INSRR: variants seen among roughly 807,000 people sequenced by gnomAD.
The protein encoded by INSRR is insulin receptor related receptor.
INSRR carries 114 observed loss-of-function variants against 130.0 expected under a neutral mutation model. That is an observed-to-expected ratio of 0.88 (90% CI 0.75 to 1.02). INSRR has a LOEUF of 1.02. Among genes scored for constraint, INSRR ranks in the 50% least tolerant of loss-of-function variants. The probability of loss-of-function intolerance (pLI) is 0.00; values close to 1 mark genes in which losing one functional copy is unlikely to be tolerated. For synonymous variants in INSRR, 674 were observed against 705.2 expected, an observed-to-expected ratio of 0.96 and a Z score of 0.70; for missense variants, 1,657 against 1,735.2, an observed-to-expected ratio of 0.95 and a Z score of 0.80.
At chr1:156,855,323 C>G (rs140159921) in intron 1 of INSRR, among the ~76,000 whole-genome samples, 146 of 152,260 alleles carry the variant, frequency 9.6e-4, no homozygotes, top group African/African-American at 2.6e-3. Flanking sequence ...CCTGCCTCAG[C>G]CTCCCGAGTA....
At chr1:156,851,575 A>G in intron 4 of INSRR, 71 bp downstream of exon 4, 1 of 1,611,526 alleles carries the variant, frequency 6.2e-7, no homozygotes, top group South Asian at 1.1e-5. Flanking sequence ...GAGTTGGGTC[A>G]TTGTAAGGGT....
At position 156,849,504 on chromosome 1, in the gene INSRR, AG is replaced by A. The variant is rs1655130364; in HGVS notation, c.1230-45del. On this transcript the variant is annotated intron_variant, in intron 5 of 21. Transcript: ENST00000368195. ...CCTTGCTCTGCGGGGAGGTGGGGGC[AG>A]GGGGTGGGAAAGGGGATGGCTTATG... is the stretch of plus-strand genomic sequence containing the variant. 3 of 243,716 alleles carry A rather than the reference AG, an allele frequency of 1.2e-5. No individual in the cohort carries two copies. The East Asian group carries it at 2.6e-4, about 21-fold the overall frequency. The allele number at this position is 243,716 out of a possible 1,614,324, so 15.1% of individuals were successfully genotyped here. A position where few individuals can be genotyped will look rare whatever the true frequency, so the allele number is the denominator to read the frequency against.
chr1:156,851,213 A>G, intron 5 of INSRR, 77 bp downstream of exon 5: 1 of 1,578,416 alleles, frequency 6.3e-7, no homozygotes, highest in Non-Finnish European at 8.7e-7. Context: ...TCCAGAGCCC[A>G]TTCTCTTCAC....
At chr1:156,847,621 T>C (rs913903061) in intron 7 of INSRR, among the ~76,000 whole-genome samples, 8 of 151,444 alleles carry the variant, frequency 5.3e-5, no homozygotes, top group South Asian at 4.2e-4. Context: ...CAGCGGGAAG[T>C]GCCTGCCTTT....
Position 156,859,030 on chromosome 1 carries a change from G to A in INSRR, c.-409C>T. 5.3e-6 allele frequency: 1 copy of A among 189,372 alleles called. No homozygotes were observed. Among genetic ancestry groups the A allele is most frequent in the Non-Finnish European group, 1.1e-5 (1 of 89,722 alleles). The allele number at this position is 189,372 out of a possible 1,614,324, so 11.7% of individuals were successfully genotyped here. On this transcript the variant is annotated 5_prime_UTR_variant, in exon 1 of 22. The change creates a new upstream start codon in the 5' untranslated region. Coordinates refer to ENST00000368195, the MANE Select transcript of INSRR (RefSeq NM_014215.3). This position sits in a 1 kb window ranked among gnomAD's most constrained non-coding sequence, Gnocchi z 6.2. ...GAGGGCAGCGGGGGTCCCGGGGCGC[G>A]TGGGACTCCGCAGGGAGAGTCTCCC...
In INSRR at chr1:156,844,759, T is replaced by TC; in HGVS notation, c.2521dup (p.Asp841GlyfsTer51). 6.2e-7 allele frequency: 1 copy of TC among 1,613,852 alleles called. No homozygotes were observed. Among genetic ancestry groups the TC allele is most frequent in the Non-Finnish European group, 8.5e-7 (1 of 1,179,958 alleles). On this transcript the variant is annotated frameshift_variant, in exon 13 of 22. Coordinates refer to ENST00000368195, the MANE Select transcript of INSRR (RefSeq NM_014215.3). LOFTEE classifies it high-confidence loss of function. ...GTACTTGAGGATGAGTCCGTTGGGGTCTGGTGGCTCGAGCCAGCGCAGAAG... is the reference window on the plus strand; with the variant it reads ...GTACTTGAGGATGAGTCCGTTGGGGTCCTGGTGGCTCGAGCCAGCGCAGAAG...
At chr1:156,843,635 C>T (rs1654882314) in intron 15 of INSRR, among the ~76,000 whole-genome samples, 156 bp from the exon 16 acceptor site, 1 of 152,250 alleles carries the variant, frequency 6.6e-6, no homozygotes, top group Non-Finnish European at 1.5e-5. Context: ...TAAGTACCCT[C>T]CAAGTTGGCC....
Position 156,851,349 on chromosome 1 carries a change from G to C in INSRR, c.1170C>G (p.Leu390=). ...GFLKIKHSFA[L]VSLGFFKNLK... ...GGTTCTTGAAAAAGCCCAGGGACAC[G>C]AGGGCAAAGGAGTGCTTGATTTTGA... Residue 390 remains leucine, a synonymous_variant, in exon 5 of 22, where the codon CTC becomes CTG. Transcript: ENST00000368195. The C allele has an allele frequency of 1.2e-6, 2 of 1,614,118 alleles. No homozygotes were observed. Among genetic ancestry groups the C allele is most frequent in the South Asian group, 1.1e-5 (1 of 91,074 alleles).
chr1:156,849,642 A>G (rs1655135463), intron 5 of INSRR, among the ~76,000 whole-genome samples, 182 bp from the exon 6 acceptor site: 1 of 152,158 alleles, frequency 6.6e-6, no homozygotes, highest in Non-Finnish European at 1.5e-5. Flanking sequence ...ACTGACCAGG[A>G]GTATGATGTC....
In INSRR at chr1:156,845,089, G is replaced by T; in HGVS notation, c.2424C>A (p.Arg808=). Residue 808 remains arginine (R), a synonymous_variant, in exon 12 of 22, where the codon CGC becomes CGA. Transcript: ENST00000368195. ...TGGATCACCTACTGTGGGGCATGGT[G>T]CGCGCAAAGACGAAGGTGGCGGCGC... The part of the protein sequence containing the change: ...GCSAATFVFA[R]TMPHREADGI... The T allele has an allele frequency of 6.2e-7, 1 of 1,608,440 alleles. No individual in the cohort carries two copies.
intron 2 of INSRR, 141 bp from the exon 3 acceptor site, chr1:156,852,332 C>A: frequency 1.2e-6 from 1 of 812,804 alleles, no homozygotes; most frequent in Non-Finnish European, 1.9e-6. Flanking sequence ...CACTGGTTGC[C>A]GACTCTGTTC....
Position 156,849,060 on chromosome 1 carries a change from AG to A in INSRR, c.1445-14del, listed in dbSNP as rs777522694. On this transcript the variant is annotated splice_polypyrimidine_tract_variant and intron_variant, in intron 6 of 21. Transcript: ENST00000368195. ...GTGCGAGTCTGGCCTGGGTGGGGCG[AG>A]GGGCCTGCTCGCAACCGCGCCTGCC... 6.4e-5 allele frequency: 103 copies of A among 1,610,190 alleles called. No homozygotes were observed. The highest frequency in any genetic ancestry group is 8.6e-5 in the Non-Finnish European group (101 of 1,178,830).
At chr1:156,843,858 T>C (rs10908521) in intron 15 of INSRR, among the ~76,000 whole-genome samples, 46,689 of 152,146 alleles carry the variant, frequency 0.31, 7,397 homozygotes, top group African/African-American at 0.37. Flanking sequence ...TCTATTATTT[T>C]TCAGCTTGGG....
rs561942685 is a variant in INSRR at position 156,858,200 on chromosome 1, C to CAT, written c.85+335_85+336dup. Among the ~76,000 whole-genome samples, 18 of 152,336 alleles carry CAT rather than the reference C, an allele frequency of 1.2e-4. No homozygotes were observed. In the South Asian group the frequency reaches 3.7e-3, roughly 32 times the overall value. ...TACCTATCCCACCCCTGCCTCTTCC[C>CAT]ATTCAGTGGCCCTAGAGATGACTTC... On this transcript the variant is annotated intron_variant, in intron 1 of 21. Coordinates refer to ENST00000368195, the MANE Select transcript of INSRR (RefSeq NM_014215.3).
At chr1:156,845,447 T>C in intron 10 of INSRR, 34 bp from the exon 11 acceptor site, 1 of 1,528,520 alleles carries the variant, frequency 6.5e-7, no homozygotes, top group Non-Finnish European at 8.8e-7. Context: ...ATCAGGCCTG[T>C]CCGGATGCAC....
At position 156,841,425 on chromosome 1, in the gene INSRR, G is replaced by A. The variant is rs1275710637; in HGVS notation, c.3631C>T (p.Leu1211=). ...AGGGGACAGCCCTCCAGCTCCTCCAGGACCCCGCCATCCATGACGAACTTC... is the reference window on the plus strand; with the variant it reads ...AGGGGACAGCCCTCCAGCTCCTCCAAGACCCCGCCATCCATGACGAACTTC... The part of the protein sequence containing the change: ...VLKFVMDGGV[L]EELEGCPLQL... The change falls in exon 21 of 22, where the codon CTG becomes TTG. Residue 1211 remains leucine, a synonymous_variant. Transcript: ENST00000368195. The A allele has an allele frequency of 6.2e-7, 1 of 1,613,792 alleles. No homozygotes were observed. The highest frequency in any genetic ancestry group is 8.5e-7 in the Non-Finnish European group (1 of 1,179,896).
At chr1:156,841,598 T>C (rs1654786023) in intron 20 of INSRR, 67 bp downstream of exon 20, 1 of 1,609,114 alleles carries the variant, frequency 6.2e-7, no homozygotes, top group East Asian at 2.2e-5. Context: ...GGGATGGGGG[T>C]GTTCCAGGCC....
Position 156,854,594 on chromosome 1 carries a change from C to A in INSRR, c.86-291G>T, listed in dbSNP as rs570313884. ...TTCATTCTTGCAGTCAGGCTCCCAA[C>A]GACTGCAAGCGACTCCCAGCGACTT... is the stretch of plus-strand genomic sequence containing the variant. On this transcript the variant is annotated intron_variant, in intron 1 of 21. Coordinates refer to ENST00000368195, the MANE Select transcript of INSRR (RefSeq NM_014215.3). This position sits in a 1 kb window ranked among gnomAD's most constrained non-coding sequence, Gnocchi z 4.2. Among the ~76,000 whole-genome samples the A allele has an allele frequency of 3.9e-5, 6 of 152,204 alleles. No homozygotes were observed. Among genetic ancestry groups the A allele is most frequent in the Non-Finnish European group, 8.8e-5 (6 of 68,020 alleles).
Position 156,844,029 on chromosome 1 carries a change from T to A in INSRR, c.2843+146A>T. ...AGTTGGTCACCCTAACTGAGAGGTA[T>A]GTTTCCTCTGTGCCACCGCAGGGGA... On this transcript the variant is annotated intron_variant, in intron 15 of 21. Transcript: ENST00000368195. 4.7e-6 allele frequency: 3 copies of A among 631,600 alleles called. No individual in the cohort carries two copies. In the South Asian group the frequency reaches 5.7e-5, roughly 12 times the overall value. The allele number at this position is 631,600 out of a possible 1,614,324, so 39.1% of individuals were successfully genotyped here. A position where few individuals can be genotyped will look rare whatever the true frequency, so the allele number is the denominator to read the frequency against.
Sources: gnomAD v4.1 joint callset for allele counts (sites outside exome capture counted in the v4.1 genomes callset) on GRCh38, gnomAD v4.1.1 for gene constraint, Gnocchi (gnomAD v3.1) non-coding constraint, MANE v1.5 for transcripts, NCBI Gene and HGNC (gene_info 2026-07-23, HGNC 2026-07-21) for gene names.